Variants in CDH13 observed in about 807,000 individuals in gnomAD.
CDH13 encodes the protein cadherin 13.
Under a neutral mutation model 63.8 loss-of-function variants are expected in CDH13, and 24 were observed. The observed-to-expected ratio is 0.38, with a 90% CI of 0.27 to 0.53. The LOEUF is 0.53. Ranked by LOEUF, CDH13 falls within the 20% of genes least tolerant of loss-of-function variation. The pLI is 0.85. For missense variants in CDH13, 1,049 were observed against 903.1 expected (o/e 1.16, Z -2.07); for synonymous variants, 503 against 355.3 (o/e 1.42, Z -4.67).
intron 2 of CDH13, among the ~76,000 whole-genome samples, chr16:82,931,707 A>C (rs1030754449): frequency 6.6e-6 from 1 of 152,184 alleles, no homozygotes; most frequent in Non-Finnish European, 1.5e-5. Flanking sequence ...ACATGGCAGC[A>C]GACAAGAGAG....
At chr16:82,935,167 G>C (rs912170076) in intron 2 of CDH13, among the ~76,000 whole-genome samples, 1 of 152,184 alleles carries the variant, frequency 6.6e-6, no homozygotes, top group Admixed American at 6.5e-5. Flanking sequence ...TACAATGATG[G>C]TGGATGGGGA....
intron 2 of CDH13, among the ~76,000 whole-genome samples, chr16:82,931,128 A>G (rs183491940): frequency 3.3e-5 from 5 of 152,312 alleles, no homozygotes; most frequent in African/African-American, 1.2e-4. Context: ...AGGTAATTAC[A>G]TGTGTGACTC....
At chr16:83,255,822 A>G (rs144980675) in intron 5 of CDH13, among the ~76,000 whole-genome samples, 97 of 152,266 alleles carry the variant, frequency 6.4e-4, no homozygotes, top group African/African-American at 2.3e-3. Flanking sequence ...GATTTGCAAA[A>G]TAAGGATACT....
chr16:82,633,315 G>A (rs906477975), intron 1 of CDH13, among the ~76,000 whole-genome samples: 8 of 152,224 alleles, frequency 5.3e-5, no homozygotes, highest in Non-Finnish European at 7.3e-5. Context: ...CAAGGCCTCC[G>A]GGAACACTGC....
At chr16:82,916,791 G>A (rs540079201) in intron 2 of CDH13, among the ~76,000 whole-genome samples, 1 of 151,864 alleles carries the variant, frequency 6.6e-6, no homozygotes, top group Non-Finnish European at 1.5e-5. Flanking sequence ...TAACAGAGCA[G>A]GAGACCTAAA....
chr16:83,333,634 A>C (rs2090524055), intron 5 of CDH13, among the ~76,000 whole-genome samples: 1 of 152,176 alleles, frequency 6.6e-6, no homozygotes, highest in Non-Finnish European at 1.5e-5. Flanking sequence ...TTCTGTGTAC[A>C]CATGCTCATT....
chr16:83,501,799 T>G (rs768132327), intron 7 of CDH13, among the ~76,000 whole-genome samples: 3 of 152,234 alleles, frequency 2.0e-5, no homozygotes, highest in African/African-American at 7.2e-5. Context: ...ATCTGACAGA[T>G]GTCTCAAGGA....
chr16:83,407,776 T>G (rs1038081158), intron 6 of CDH13, among the ~76,000 whole-genome samples: 2 of 152,230 alleles, frequency 1.3e-5, no homozygotes, highest in African/African-American at 4.8e-5. Flanking sequence ...TCTCCTAAAT[T>G]GAAGCCCTTT....
chr16:83,089,199 C>G (rs1057300963), intron 3 of CDH13, among the ~76,000 whole-genome samples: 2 of 152,188 alleles, frequency 1.3e-5, no homozygotes, highest in Non-Finnish European at 2.9e-5. Context: ...ATCAGGCTCA[C>G]AGGTAGTGAA....
chr16:82,993,221 T>C (rs983990691), intron 2 of CDH13, among the ~76,000 whole-genome samples: 25 of 152,352 alleles, frequency 1.6e-4, no homozygotes, highest in African/African-American at 6.0e-4. Flanking sequence ...TCACATTTTA[T>C]CTCCCAAAGG....
intron 4 of CDH13, among the ~76,000 whole-genome samples, chr16:83,141,715 T>G (rs756606811): frequency 1.3e-5 from 2 of 152,164 alleles, no homozygotes; most frequent in African/African-American, 4.8e-5. Flanking sequence ...CCCCTCCCTG[T>G]GTCCATGTGT....
At chr16:82,972,207 A>C (rs1212137216) in intron 2 of CDH13, among the ~76,000 whole-genome samples, 1 of 152,122 alleles carries the variant, frequency 6.6e-6, no homozygotes, top group Non-Finnish European at 1.5e-5. Flanking sequence ...AGAATGGAGG[A>C]AAACAGTCCC....
chr16:83,699,530 A>G (rs1905891643), intron 10 of CDH13, among the ~76,000 whole-genome samples: 1 of 152,164 alleles, frequency 6.6e-6, no homozygotes, highest in African/African-American at 2.4e-5. Flanking sequence ...CACTTCTGCA[A>G]GCTAGTTCCA....
chr16:83,705,918 G>T (rs1197602276), intron 10 of CDH13, among the ~76,000 whole-genome samples: 1 of 152,150 alleles, frequency 6.6e-6, no homozygotes, highest in South Asian at 2.1e-4. Flanking sequence ...GAGTAGATAA[G>T]TCTGCCCTAG....
chr16:82,849,356 G>T (rs1179526050), intron 1 of CDH13, among the ~76,000 whole-genome samples: 2 of 152,088 alleles, frequency 1.3e-5, no homozygotes, highest in African/African-American at 4.8e-5. Context: ...ACAAAAATTA[G>T]CTGGGTGTGG....
At chr16:83,741,875 C>A (rs1469372766) in intron 10 of CDH13, among the ~76,000 whole-genome samples, 1 of 152,148 alleles carries the variant, frequency 6.6e-6, no homozygotes, top group African/African-American at 2.4e-5. Context: ...TTGTGAACTG[C>A]ACACACAAGG....
chr16:82,824,597 A>C (rs1403753585), intron 1 of CDH13: 2 of 152,220 alleles, frequency 1.3e-5, no homozygotes, highest in Non-Finnish European at 2.9e-5. Context: ...TCCAGGATGT[A>C]TCTATTTATA....
At chr16:82,953,185 T>C (rs1456999010) in intron 2 of CDH13, 1 of 152,228 alleles carries the variant, frequency 6.6e-6, no homozygotes, top group Admixed American at 6.5e-5. Flanking sequence ...CTCTTAGATT[T>C]GTGGATATTT....
At chr16:83,608,691 A>G (rs1209168740) in intron 8 of CDH13, among the ~76,000 whole-genome samples, 3 of 123,182 alleles carry the variant, frequency 2.4e-5, no homozygotes, top group Non-Finnish European at 5.0e-5. Context: ...GTATTTTTGT[A>G]GAGGCGAGGT....
Sources: gnomAD v4.1 joint callset for allele counts (sites outside exome capture counted in the v4.1 genomes callset) on GRCh38, gnomAD v4.1.1 for gene constraint, MANE v1.5 for transcripts, NCBI Gene and HGNC (gene_info 2026-07-23, HGNC 2026-07-21) for gene names.